SNX29: variants seen among roughly 807,000 people sequenced by gnomAD.
SNX29 encodes sorting nexin-29.
In SNX29, 78 loss-of-function variants were observed where a neutral mutation model predicts 102.1. The ratio of observed to expected loss-of-function variants is 0.76; its 90% CI spans 0.64 to 0.92. The LOEUF (loss-of-function observed/expected upper bound fraction) is 0.92, where lower values mean the gene tolerates loss of function less well. Ranked by LOEUF, SNX29 falls within the 40% of genes least tolerant of loss-of-function variation. SNX29 has a pLI of 0.00. For missense variants in SNX29, 1,280 were observed against 1,061.7 expected (o/e 1.21, Z -2.86); for synonymous variants, 580 against 414.5 (o/e 1.40, Z -4.85).
In SNX29 at chr16:12,338,224, GA is replaced by G. The variant is rs1323131959; in HGVS notation, c.1783-17935del. Among the ~76,000 whole-genome samples, 36 of 152,284 alleles carry G rather than the reference GA, an allele frequency of 2.4e-4. 1 individual carries two copies. In the South Asian group the frequency reaches 2.9e-3, roughly 12 times the overall value. On this transcript the variant is annotated intron_variant, in intron 15 of 20. Transcript: ENST00000566228. ...CGAAACCACGGCTTTTGTTTTCTTTGAAAAGGAAAATGTTGGAGTCCAGTAG... is the reference window on the plus strand; with the variant it reads ...CGAAACCACGGCTTTTGTTTTCTTTGAAAGGAAAATGTTGGAGTCCAGTAG...
intron 16 of SNX29, among the ~76,000 whole-genome samples, chr16:12,378,932 C>A (rs1380730327): frequency 6.6e-6 from 1 of 152,156 alleles, no homozygotes; most frequent in Non-Finnish European, 1.5e-5. Context: ...TCACTCTGAA[C>A]CATGTTAGTT....
intron 13 of SNX29, among the ~76,000 whole-genome samples, chr16:12,136,434 C>T (rs2054663296): frequency 6.6e-6 from 1 of 152,320 alleles, no homozygotes; most frequent in African/African-American, 2.4e-5. Context: ...TGCTAACATG[C>T]CTTTGATGGC....
chr16:12,187,883 C>T (rs575930219), intron 13 of SNX29, among the ~76,000 whole-genome samples: 10 of 152,258 alleles, frequency 6.6e-5, no homozygotes, highest in African/African-American at 2.4e-4. Context: ...AATCCTGCAT[C>T]CCTCGAGGGA....
intron 20 of SNX29, among the ~76,000 whole-genome samples, chr16:12,549,293 G>A (rs1348800541): frequency 1.3e-5 from 2 of 152,096 alleles, no homozygotes; most frequent in Admixed American, 6.6e-5. Flanking sequence ...TCAGAAGTTG[G>A]AAACCAGCCT....
chr16:12,553,118 A>AGG (rs549081386), intron 20 of SNX29, among the ~76,000 whole-genome samples: 16 of 147,534 alleles, frequency 1.1e-4, no homozygotes, highest in Non-Finnish European at 2.2e-4. Flanking sequence ...TCAGGCTGGG[A>AGG]GGGCCTTGGG....
intron 15 of SNX29, among the ~76,000 whole-genome samples, chr16:12,305,403 G>A (rs981830779): frequency 2.0e-5 from 3 of 152,190 alleles, no homozygotes; most frequent in African/African-American, 7.2e-5. Context: ...GCACAGCGCC[G>A]AGGGCGTCAA....
chr16:12,469,615 G>T (rs190801640), intron 18 of SNX29, among the ~76,000 whole-genome samples: 16 of 152,314 alleles, frequency 1.1e-4, no homozygotes, highest in Admixed American at 9.1e-4. Context: ...GGCTTTAGGG[G>T]CAGCATTCAC....
intron 19 of SNX29, among the ~76,000 whole-genome samples, chr16:12,484,144 T>C (rs1461748321): frequency 6.6e-6 from 1 of 152,154 alleles, no homozygotes; most frequent in African/African-American, 2.4e-5. Context: ...CATTCTCTCT[T>C]TCTCCCTCTC....
At chr16:12,312,489 A>G (rs2080589920) in intron 15 of SNX29, among the ~76,000 whole-genome samples, 1 of 152,184 alleles carries the variant, frequency 6.6e-6, no homozygotes, top group South Asian at 2.1e-4. Context: ...TTGTAAATGT[A>G]GATGAAAATG....
At chr16:12,491,554 G>A (rs182822725) in intron 19 of SNX29, among the ~76,000 whole-genome samples, 1 of 151,470 alleles carries the variant, frequency 6.6e-6, no homozygotes, top group East Asian at 1.9e-4. Flanking sequence ...TATACTTTAA[G>A]TTTTAGGGTA....
At chr16:12,299,479 G>A (rs2080091918) in intron 15 of SNX29, among the ~76,000 whole-genome samples, 1 of 152,200 alleles carries the variant, frequency 6.6e-6, no homozygotes, top group South Asian at 2.1e-4. Context: ...AAGCAAGGAA[G>A]CTGAGGTGTT....
chr16:12,130,218 T>G (rs56780928), intron 13 of SNX29, among the ~76,000 whole-genome samples: 1 of 149,482 alleles, frequency 6.7e-6, no homozygotes, highest in East Asian at 2.0e-4. Flanking sequence ...GGCTGACACC[T>G]GTAATCCCAA....
At chr16:12,384,803 G>A (rs538221568) in intron 16 of SNX29, among the ~76,000 whole-genome samples, 2 of 152,344 alleles carry the variant, frequency 1.3e-5, no homozygotes, top group African/African-American at 4.8e-5. Context: ...ATGACCCACA[G>A]ACTTCTGGGG....
chr16:12,449,227 A>G (rs1245846687), intron 18 of SNX29, among the ~76,000 whole-genome samples: 4 of 152,036 alleles, frequency 2.6e-5, no homozygotes, highest in African/African-American at 7.2e-5. Flanking sequence ...GAAGTTGGGT[A>G]GAATTGAGGA....
chr16:12,544,956 G>T (rs1333790883), intron 20 of SNX29, among the ~76,000 whole-genome samples: 3 of 152,338 alleles, frequency 2.0e-5, no homozygotes, highest in South Asian at 2.1e-4. Flanking sequence ...TCCAGATGAG[G>T]AAACAGGCTC....
chr16:12,463,555 C>T (rs62028440), intron 18 of SNX29, among the ~76,000 whole-genome samples: 10,456 of 152,184 alleles, frequency 0.069, 555 homozygotes, highest in East Asian at 0.26. Flanking sequence ...GAAAGACCTG[C>T]CCCTGTGATT....
intron 15 of SNX29, among the ~76,000 whole-genome samples, chr16:12,320,239 G>A (rs1176457609): frequency 6.6e-6 from 1 of 152,170 alleles, no homozygotes; most frequent in Non-Finnish European, 1.5e-5. Context: ...GGGCCAGGCA[G>A]CTGGAGACTT....
At chr16:12,549,780 T>C (rs1334461628) in intron 20 of SNX29, among the ~76,000 whole-genome samples, 2 of 152,240 alleles carry the variant, frequency 1.3e-5, no homozygotes, top group African/African-American at 4.8e-5. Flanking sequence ...AGGTGATTTC[T>C]ACTTGCAGAC....
chr16:11,996,389 G>T (rs117182046), intron 1 of SNX29, among the ~76,000 whole-genome samples: 1 of 152,004 alleles, frequency 6.6e-6, no homozygotes. Context: ...AGAAAAAAAC[G>T]CCAAAAAATA....
Sources: gnomAD v4.1 joint callset for allele counts (sites outside exome capture counted in the v4.1 genomes callset) on GRCh38, gnomAD v4.1.1 for gene constraint, MANE v1.5 for transcripts, NCBI Gene and HGNC (gene_info 2026-07-23, HGNC 2026-07-21) for gene names.